RLBP1: variants seen among roughly 807,000 people sequenced by gnomAD.
The protein encoded by RLBP1 is retinaldehyde binding protein 1.
A neutral mutation model predicts 36.2 loss-of-function variants in RLBP1; 26 were observed. That is an observed-to-expected ratio of 0.72 (90% confidence interval 0.53 to 1.00). The LOEUF (loss-of-function observed/expected upper bound fraction) is 1.00, where lower values mean the gene tolerates loss of function less well. Among genes scored for constraint, RLBP1 ranks in the 50% least tolerant of loss-of-function variants. RLBP1 has a pLI of 0.00. For missense variants in RLBP1, 410 were observed against 402.4 expected (o/e 1.02, Z -0.16); for synonymous variants, 155 against 156.2 (o/e 0.99, Z 0.06).
chr15:89,217,076 G>T, intron 5 of RLBP1, 44 bp downstream of exon 5: 1 of 1,594,378 alleles, frequency 6.3e-7, no homozygotes. Context: ...CATCCTCATG[G>T]CCTCCCGTCT....
At chr15:89,216,447 C>T (rs2051580916) in intron 5 of RLBP1, among the ~76,000 whole-genome samples, 1 of 152,218 alleles carries the variant, frequency 6.6e-6, no homozygotes, top group Non-Finnish European at 1.5e-5. Flanking sequence ...TTCAGCCTCC[C>T]CAGTAGCTGA....
Position 89,215,148 on chromosome 15 carries a change from C to T in RLBP1, c.437G>A (p.Gly146Asp), listed in dbSNP as rs757444687. The change falls in exon 6 of 9, where the codon GGT becomes GAT. Residue 146 changes from glycine to aspartate, a missense_variant. Coordinates refer to ENST00000268125, the MANE Select transcript of RLBP1 (RefSeq NM_000326.5). ...VRCTIEAGYP[G>D]VLSSRDKYGR... ...ATACTTGTCCCGACTAGAGAGGACA[C>T]CAGGGTAGCCAGCTTCAATGGTGCA... 3.1e-6 allele frequency: 5 copies of T among 1,614,228 alleles called. No individual in the cohort carries two copies. The highest frequency in any genetic ancestry group is 1.1e-5 in the South Asian group (1 of 91,082).
At position 89,214,612 on chromosome 15, in the gene RLBP1, G is replaced by A. The variant is rs1188764057; in HGVS notation, c.525+448C>T. On this transcript the variant is annotated intron_variant, in intron 6 of 8. Coordinates refer to ENST00000268125, the MANE Select transcript of RLBP1 (RefSeq NM_000326.5). This position sits in a 1 kb window ranked among gnomAD's most constrained non-coding sequence, Gnocchi z 4.6. ...GCAGCCCCCTTAACGGCTCAGACAA[G>A]CAAAATTGCGTACACAATTTTGCGA... Among the ~76,000 whole-genome samples the A allele has an allele frequency of 8.6e-6, 1 of 115,616 alleles. No individual in the cohort carries two copies. Among genetic ancestry groups the A allele is most frequent in the African/African-American group, 4.0e-5 (1 of 24,828 alleles). 75.8% of individuals were successfully genotyped at this position (115,616 alleles called of 152,430 possible).
rs1051807311 is a variant in RLBP1, at chr15:89,211,007, C to G, written c.685-198G>C. On this transcript the variant is annotated intron_variant, in intron 7 of 8. Coordinates refer to ENST00000268125, the MANE Select transcript of RLBP1 (RefSeq NM_000326.5). This position sits in a 1 kb window ranked among gnomAD's most constrained non-coding sequence, Gnocchi z 5.8. ...CTGGCTCACTGTGGCCCAGACTGCA[C>G]GGAGGAAGCCCCAAGATTCATAAGA... is the stretch of plus-strand genomic sequence containing the variant. Among the ~76,000 whole-genome samples, 1 of 152,124 alleles carries G rather than the reference C, an allele frequency of 6.6e-6. No homozygotes were observed. The highest frequency in any genetic ancestry group is 1.5e-5 in the Non-Finnish European group (1 of 68,034).
Position 89,218,751 on chromosome 15 carries a change from G to A in RLBP1, c.13-58C>T, listed in dbSNP as rs564037213. On this transcript the variant is annotated intron_variant, in intron 3 of 8. Transcript: ENST00000268125. This position sits in a 1 kb window ranked among gnomAD's most constrained non-coding sequence, Gnocchi z 4.6. ...ACCGCATCAGCCTGAGCCAGCCAGG[G>A]AAATGGGCCTGCTCAGACCTTCAGT... The A allele has an allele frequency of 1.2e-5, 19 of 1,610,116 alleles. No homozygotes were observed. In the East Asian group the frequency reaches 3.8e-4, roughly 32 times the overall value.
intron 4 of RLBP1, 22 bp from the exon 5 acceptor site, chr15:89,217,346 A>T: frequency 1.9e-6 from 3 of 1,600,894 alleles, no homozygotes; most frequent in Non-Finnish European, 2.5e-6. Flanking sequence ...TGGGGTGTGC[A>T]TGAAGTTAAA....
chr15:89,218,277 G>A lies in RLBP1; in HGVS notation c.141+288C>T, dbSNP rs937644303. ...CAGCAGTTGGATCCTTGTTCCCCGG[G>A]GCCATTTCCAAACCAATGCTTCTCA... On this transcript the variant is annotated intron_variant, in intron 4 of 8. Coordinates refer to ENST00000268125, the MANE Select transcript of RLBP1 (RefSeq NM_000326.5). The surrounding 1 kb of genome is among the most constrained non-coding windows in gnomAD (Gnocchi z 4.6). Among the ~76,000 whole-genome samples, 2 of 152,202 alleles carry A rather than the reference G, an allele frequency of 1.3e-5. No homozygotes were observed. The highest frequency in any genetic ancestry group is 2.9e-5 in the Non-Finnish European group (2 of 68,034).
intron 6 of RLBP1, among the ~76,000 whole-genome samples, chr15:89,212,369 G>A (rs1383060604): frequency 6.6e-6 from 1 of 152,054 alleles, no homozygotes; most frequent in African/African-American, 2.4e-5. Flanking sequence ...ATCACCTGAG[G>A]TCAAGAATTC....
rs1567124847 is a variant in RLBP1 at position 89,219,795 on chromosome 15, C to T, written c.-159G>A. 1.3e-5 allele frequency: 2 copies of T among 152,452 alleles called. No homozygotes were observed. Among genetic ancestry groups the T allele is most frequent in the East Asian group, 3.9e-4 (2 of 5,186 alleles). The allele number at this position is 152,452 out of a possible 1,614,324, so 9.4% of individuals were successfully genotyped here. A position where few individuals can be genotyped will look rare whatever the true frequency, so the allele number is the denominator to read the frequency against. ...AGCCTGCTGTGGCGCAAAAGTTGGA[C>T]CTGGGTTCAAGTTCTTCTCTTCCAC... On this transcript the variant is annotated 5_prime_UTR_variant, in exon 2 of 9. Transcript: ENST00000268125.
In RLBP1 at chr15:89,211,789, G is replaced by A; in HGVS notation, c.638C>T (p.Ala213Val). 6.2e-7 allele frequency: 1 copy of A among 1,614,180 alleles called. No homozygotes were observed. The highest frequency in any genetic ancestry group is 1.1e-5 in the South Asian group (1 of 91,086). Reference sequence around the variant, plus strand: ...CCTGAGATCTGAAGTCCGGAGACTAGCAGCCTGCTGCATGGTAAAGCCCTT... The same window carrying A: ...CCTGAGATCTGAAGTCCGGAGACTAACAGCCTGCTGCATGGTAAAGCCCTT... ...NFKGFTMQQA[A>V]SLRTSDLRKM... The change falls in exon 7 of 9, where the codon GCT becomes GTT. Residue 213 changes from alanine to valine, a missense_variant. By Grantham distance (64) the Ala-to-Val change is moderately conservative (BLOSUM62 0). Coordinates refer to ENST00000268125, the MANE Select transcript of RLBP1 (RefSeq NM_000326.5). This position sits in a 1 kb window ranked among gnomAD's most constrained non-coding sequence, Gnocchi z 5.8.
chr15:89,214,969 CT>C lies in RLBP1; in HGVS notation c.525+90del. On this transcript the variant is annotated intron_variant, in intron 6 of 8. Coordinates refer to ENST00000268125, the MANE Select transcript of RLBP1 (RefSeq NM_000326.5). This position sits in a 1 kb window ranked among gnomAD's most constrained non-coding sequence, Gnocchi z 4.6. ...TTTCCCCCTCTACAGACCTTGCCTC[CT>C]GGAGAACCAGGAATGAGGGCCCAGT... is the stretch of plus-strand genomic sequence containing the variant. The C allele has an allele frequency of 7.2e-7, 1 of 1,392,636 alleles. No individual in the cohort carries two copies. Among genetic ancestry groups the C allele is most frequent in the African/African-American group, 1.4e-5 (1 of 70,662 alleles). The allele number at this position is 1,392,636 out of a possible 1,614,324, so 86.3% of individuals were successfully genotyped here.
Position 89,218,980 on chromosome 15 carries a change from C to T in RLBP1, c.-5G>A. On this transcript the variant is annotated 5_prime_UTR_variant, in exon 3 of 9. Transcript: ENST00000268125. This position sits in a 1 kb window ranked among gnomAD's most constrained non-coding sequence, Gnocchi z 4.6. ...GGTACTTACCCCTTCTGACATGTTG[C>T]CTATGGAAGACACAGAGTCCTTGGA... 1.2e-6 allele frequency: 2 copies of T among 1,614,092 alleles called. No individual in the cohort carries two copies. Among genetic ancestry groups the T allele is most frequent in the Non-Finnish European group, 1.7e-6 (2 of 1,180,010 alleles).
chr15:89,221,240 C>G (rs1037707676), intron 1 of RLBP1, among the ~76,000 whole-genome samples: 1 of 152,142 alleles, frequency 6.6e-6, no homozygotes, highest in Non-Finnish European at 1.5e-5. Flanking sequence ...AACTCCTGAC[C>G]TCAGGTGATC....
intron 5 of RLBP1, among the ~76,000 whole-genome samples, chr15:89,216,424 G>A (rs955228525): frequency 2.6e-5 from 4 of 152,058 alleles, no homozygotes; most frequent in African/African-American, 9.7e-5. Flanking sequence ...CTGCGTTCAA[G>A]CGATTCTCCT....
rs1466889650 is a variant in RLBP1, at chr15:89,218,949, G to C, written c.12+15C>G. The C allele has an allele frequency of 1.2e-6, 2 of 1,613,640 alleles. No homozygotes were observed. Among genetic ancestry groups the C allele is most frequent in the South Asian group, 2.2e-5 (2 of 91,010 alleles). On this transcript the variant is annotated intron_variant, in intron 3 of 8. Transcript: ENST00000268125. This position sits in a 1 kb window ranked among gnomAD's most constrained non-coding sequence, Gnocchi z 4.6. ...AAGGTGGGTGGAGGAGAGCCCTGGA[G>C]GACAGGGTACTTACCCCTTCTGACA...
rs1567124206 is a variant in RLBP1 at position 89,218,109 on chromosome 15, C to T, written c.141+456G>A. Among the ~76,000 whole-genome samples, 1 of 152,196 alleles carries T rather than the reference C, an allele frequency of 6.6e-6. No individual in the cohort carries two copies. Among genetic ancestry groups the T allele is most frequent in the Admixed American group, 6.5e-5 (1 of 15,278 alleles). On this transcript the variant is annotated intron_variant, in intron 4 of 8. Coordinates refer to ENST00000268125, the MANE Select transcript of RLBP1 (RefSeq NM_000326.5). This position sits in a 1 kb window ranked among gnomAD's most constrained non-coding sequence, Gnocchi z 4.6. ...CAGCCTCCACAGAGCACAATCTGAT[C>T]ACCTCTGAGCTAGTCCACCAACCGT...
chr15:89,211,635 C>G lies in RLBP1; in HGVS notation c.684+108G>C, dbSNP rs190162379. The G allele has an allele frequency of 4.3e-6, 5 of 1,154,406 alleles. No individual in the cohort carries two copies. The African/African-American group carries it at 7.6e-5, about 17-fold the overall frequency. The allele number at this position is 1,154,406 out of a possible 1,614,324, so 71.5% of individuals were successfully genotyped here. On this transcript the variant is annotated intron_variant, in intron 7 of 8. Coordinates refer to ENST00000268125, the MANE Select transcript of RLBP1 (RefSeq NM_000326.5). This position sits in a 1 kb window ranked among gnomAD's most constrained non-coding sequence, Gnocchi z 5.8. ...GTGGCTGTCACTGCTCTTTATGGCG[C>G]GAGGTGGTCCAACTTCTCAGTTCCC...
chr15:89,215,334 TC>T, intron 5 of RLBP1, 96 bp from the exon 6 acceptor site: 3 of 1,258,058 alleles, frequency 2.4e-6, no homozygotes, highest in African/African-American at 1.5e-5. Context: ...TCCTGCCAGG[TC>T]CTATGTGTGA....
In RLBP1 at chr15:89,219,380, A is replaced by T. The variant is rs146449787; in HGVS notation, c.-100-305T>A. ...AAGTTGGCCCTGCCAGGAAAAAAAG[A>T]ATCTGGCTCTGTTCTCAATGACATG... On this transcript the variant is annotated intron_variant, in intron 2 of 8. Coordinates refer to ENST00000268125, the MANE Select transcript of RLBP1 (RefSeq NM_000326.5). 8.5e-5 allele frequency among the ~76,000 whole-genome samples: 13 copies of T among 152,306 alleles called. No individual in the cohort carries two copies. The East Asian group carries it at 2.3e-3, about 27-fold the overall frequency.
Sources: gnomAD v4.1 joint callset for allele counts (sites outside exome capture counted in the v4.1 genomes callset) on GRCh38, gnomAD v4.1.1 for gene constraint, Gnocchi (gnomAD v3.1) non-coding constraint, MANE v1.5 for transcripts, NCBI Gene and HGNC (gene_info 2026-07-23, HGNC 2026-07-21) for gene names.